Variants in GSPT1 observed in about 807,000 individuals in gnomAD.
The protein encoded by GSPT1 is eukaryotic peptide chain release factor GTP-binding subunit ERF3A.
Under a neutral mutation model 72.5 loss-of-function variants are expected in GSPT1, and 20 were observed. That is an observed-to-expected ratio of 0.28 (90% CI 0.19 to 0.40). The LOEUF is 0.40. Among genes scored for constraint, GSPT1 ranks in the 10% least tolerant of loss-of-function variants. The probability of loss-of-function intolerance (pLI) is 1.00; values close to 1 mark genes in which losing one functional copy is unlikely to be tolerated. For synonymous variants in GSPT1, 334 were observed against 293.5 expected (o/e 1.14, Z -1.41); for missense variants, 580 against 811.9 (o/e 0.71, Z 3.47).
chr16:11,882,112 C>G (rs1156846337), intron 11 of GSPT1: 1 of 152,220 alleles, frequency 6.6e-6, no homozygotes, highest in Non-Finnish European at 1.5e-5. Flanking sequence ...GAAACCCTGT[C>G]TCTACTAAAA....
rs2053949412 is a variant in GSPT1, at chr16:11,868,987, A to G, written c.*4132T>C. 1 of 152,180 alleles carries G rather than the reference A, an allele frequency of 6.6e-6. No individual in the cohort carries two copies. Among genetic ancestry groups the G allele is most frequent in the South Asian group, 2.1e-4 (1 of 4,828 alleles). 9.4% of individuals were successfully genotyped at this position (152,180 alleles called of 1,614,324 possible). On this transcript the variant is annotated 3_prime_UTR_variant, in exon 15 of 15. Coordinates refer to ENST00000434724, the MANE Select transcript of GSPT1 (RefSeq NM_002094.4). ...CTTAGTAAACAACTCAGCTAGCATT[A>G]TTGTTTCAAGGAAGCATAGGATTAG...
At chr16:11,912,671 A>C (rs1404150196) in intron 1 of GSPT1, among the ~76,000 whole-genome samples, 1 of 152,136 alleles carries the variant, frequency 6.6e-6, no homozygotes, top group African/African-American at 2.4e-5. Context: ...TTATCTAACA[A>C]TAAAAAAAAC....
chr16:11,878,815 C>T (rs1437670364), intron 11 of GSPT1, among the ~76,000 whole-genome samples: 12 of 151,816 alleles, frequency 7.9e-5, no homozygotes, highest in Non-Finnish European at 1.3e-4. Context: ...GCTCACGCCT[C>T]AGCATTTTGG....
chr16:11,898,675 T>A (rs1288024798), intron 1 of GSPT1, among the ~76,000 whole-genome samples: 7 of 152,116 alleles, frequency 4.6e-5, no homozygotes, highest in Non-Finnish European at 4.4e-5. Flanking sequence ...GGTTTTGAAC[T>A]ACGACCTCAG....
At chr16:11,916,452 C>G (rs906778143), upstream of GSPT1, among the ~76,000 whole-genome samples, 2 of 152,000 alleles carry the variant, frequency 1.3e-5, no homozygotes, top group African/African-American at 4.8e-5. Flanking sequence ...TTCTTGTACT[C>G]TCTTTTCACC....
At chr16:11,887,134 A>G (rs1407350612) in intron 7 of GSPT1, among the ~76,000 whole-genome samples, 1 of 151,982 alleles carries the variant, frequency 6.6e-6, no homozygotes, top group East Asian at 1.9e-4. Context: ...ACATTCCCAA[A>G]ATCTAGTATA....
intron 11 of GSPT1, chr16:11,881,211 A>G (rs1399809812): frequency 6.6e-6 from 1 of 152,174 alleles, no homozygotes; most frequent in Non-Finnish European, 1.5e-5. Flanking sequence ...TATGTCTTTT[A>G]AACTATTCTA....
intron 5 of GSPT1, among the ~76,000 whole-genome samples, chr16:11,891,437 C>T (rs1225663247): frequency 6.6e-6 from 1 of 150,920 alleles, no homozygotes; most frequent in Non-Finnish European, 1.5e-5. Flanking sequence ...TCTCGGCTCA[C>T]TGCAACCTCT....
intron 11 of GSPT1, among the ~76,000 whole-genome samples, chr16:11,879,813 TA>T (rs1251226849): frequency 6.6e-6 from 1 of 151,852 alleles, no homozygotes; most frequent in East Asian, 1.9e-4. Flanking sequence ...AATATCAAAG[TA>T]AAAAATAACC....
intron 1 of GSPT1, among the ~76,000 whole-genome samples, chr16:11,901,620 A>ATAT (rs1567448193): frequency 4.8e-5 from 7 of 147,132 alleles, no homozygotes; most frequent in Admixed American, 6.8e-5. Context: ...CACACACAAA[A>ATAT]ATATATATAT....
chr16:11,885,395 A>G (rs1466456774), intron 9 of GSPT1, 121 bp from the exon 10 acceptor site: 2 of 625,804 alleles, frequency 3.2e-6, no homozygotes, highest in Non-Finnish European at 5.9e-6. Flanking sequence ...TTCCCATTCA[A>G]CCACTTTATT....
rs372566292 is a variant in GSPT1, at chr16:11,891,106, A to G, written c.732T>C (p.Leu244=). The G allele has an allele frequency of 2.7e-4, 411 of 1,508,246 alleles. 1 individual carries two copies. The highest frequency in any genetic ancestry group is 2.4e-4 in the Non-Finnish European group (264 of 1,116,866). The allele number at this position is 1,508,246 out of a possible 1,614,324, so 93.4% of individuals were successfully genotyped here. A position where few individuals can be genotyped will look rare whatever the true frequency, so the allele number is the denominator to read the frequency against. ...CTTTAGCTTCTCTTTCATACTTTTC[A>G]AGCGTCCTTTTGTCAACCATTCCAG... ...YLTGMVDKRT[L]EKYEREAKEK... The change falls in exon 6 of 15, where the codon CTT becomes CTC. Residue 244 remains leucine (L), a synonymous_variant. Transcript: ENST00000434724.
intron 6 of GSPT1, among the ~76,000 whole-genome samples, chr16:11,890,080 C>T (rs1405974246): frequency 6.6e-6 from 1 of 151,668 alleles, no homozygotes; most frequent in East Asian, 1.9e-4. Flanking sequence ...CCTGCCTCAG[C>T]CTTCCAAGTA....
At chr16:11,894,791 A>C (rs1312055502) in intron 5 of GSPT1, among the ~76,000 whole-genome samples, 163 bp downstream of exon 5, 1 of 152,238 alleles carries the variant, frequency 6.6e-6, no homozygotes, top group African/African-American at 2.4e-5. Flanking sequence ...CACCAGGCCA[A>C]AAATCACTTC....
chr16:11,899,744 TGA>T (rs1477086962), intron 1 of GSPT1, among the ~76,000 whole-genome samples: 1 of 152,196 alleles, frequency 6.6e-6, no homozygotes, highest in Non-Finnish European at 1.5e-5. Flanking sequence ...CAGGTAGTAC[TGA>T]GAGTATCAAG....
chr16:11,912,640 TAAA>T (rs988688554), intron 1 of GSPT1, among the ~76,000 whole-genome samples: 3 of 152,176 alleles, frequency 2.0e-5, no homozygotes, highest in African/African-American at 7.2e-5. Context: ...CAAGTAACCC[TAAA>T]ATTACTAAAC....
At chr16:11,902,994 C>A (rs563486639) in intron 1 of GSPT1, among the ~76,000 whole-genome samples, 59 of 151,944 alleles carry the variant, frequency 3.9e-4, no homozygotes, top group African/African-American at 1.2e-3. Context: ...TGGGATTACA[C>A]GTGTGAGCCA....
chr16:11,875,007 T>A (rs190498151), intron 14 of GSPT1, among the ~76,000 whole-genome samples: 1 of 152,152 alleles, frequency 6.6e-6, no homozygotes, highest in East Asian at 1.9e-4. Context: ...CTGGCTAACG[T>A]GGTGAAACCC....
chr16:11,888,820 G>A (rs1342394403), intron 6 of GSPT1, among the ~76,000 whole-genome samples: 2 of 152,058 alleles, frequency 1.3e-5, no homozygotes, highest in Non-Finnish European at 2.9e-5. Context: ...CAAACCCTTA[G>A]AGCTTTTATA....
Sources: gnomAD v4.1 joint callset for allele counts (sites outside exome capture counted in the v4.1 genomes callset) on GRCh38, gnomAD v4.1.1 for gene constraint, MANE v1.5 for transcripts, NCBI Gene and HGNC (gene_info 2026-07-23, HGNC 2026-07-21) for gene names.